The following DNAH7 variants were observed in gnomAD, a reference collection of about 807,000 sequenced individuals.
DNAH7 encodes the protein axonemal beta dynein heavy chain 7.
A neutral mutation model predicts 444.6 loss-of-function variants in DNAH7; 397 were observed. That is an observed-to-expected ratio of 0.89 (90% CI 0.82 to 0.97). DNAH7 has a LOEUF of 0.97. DNAH7 is among the 50% of genes least tolerant of loss of function. DNAH7 has a pLI of 0.00. For synonymous variants in DNAH7, 1,636 were observed against 1,624.4 expected (o/e 1.01, Z -0.17); for missense variants, 4,902 against 4,800.8 (o/e 1.02, Z -0.62).
At chr2:195,913,093 T>C (rs899917350) in intron 24 of DNAH7, among the ~76,000 whole-genome samples, 1 of 151,864 alleles carries the variant, frequency 6.6e-6, no homozygotes, top group African/African-American at 2.4e-5. Context: ...AGAGCAACTT[T>C]AAAAAAAACA....
At chr2:196,005,647 C>A (rs1258266774) in intron 10 of DNAH7, among the ~76,000 whole-genome samples, 1 of 151,708 alleles carries the variant, frequency 6.6e-6, no homozygotes, top group Non-Finnish European at 1.5e-5. Context: ...CAAAAACTAC[C>A]AAATCTGACT....
intron 20 of DNAH7, among the ~76,000 whole-genome samples, chr2:195,935,224 G>T (rs144191117): frequency 1.1e-3 from 162 of 152,272 alleles, no homozygotes; most frequent in African/African-American, 3.8e-3. Flanking sequence ...ACTATGTTTA[G>T]TAACTTAGGT....
chr2:195,998,064 A>G (rs898278750), intron 12 of DNAH7, among the ~76,000 whole-genome samples: 1 of 152,210 alleles, frequency 6.6e-6, no homozygotes, highest in Non-Finnish European at 1.5e-5. Flanking sequence ...GATGATGATA[A>G]TCCATACGGT....
intron 5 of DNAH7, among the ~76,000 whole-genome samples, chr2:196,040,568 T>C (rs1470776727): frequency 6.6e-6 from 1 of 152,092 alleles, no homozygotes; most frequent in African/African-American, 2.4e-5. Flanking sequence ...AGAAGGAACA[T>C]ACCACAAAAC....
intron 46 of DNAH7, among the ~76,000 whole-genome samples, chr2:195,852,704 G>T (rs1172571610): frequency 3.9e-5 from 6 of 152,174 alleles, no homozygotes; most frequent in African/African-American, 1.4e-4. Flanking sequence ...CCAGGGAGAA[G>T]AAAGAGGCAG....
At chr2:195,964,270 T>G (rs1691312372) in intron 17 of DNAH7, among the ~76,000 whole-genome samples, 2 of 152,228 alleles carry the variant, frequency 1.3e-5, no homozygotes, top group African/African-American at 2.4e-5. Flanking sequence ...ATTCTTCAAA[T>G]CCATGAACAT....
At chr2:195,921,301 G>A (rs535797303) in intron 24 of DNAH7, among the ~76,000 whole-genome samples, 1 of 150,584 alleles carries the variant, frequency 6.6e-6, no homozygotes, top group Non-Finnish European at 1.5e-5. Context: ...CAAAAATATG[G>A]AACCAGCCCA....
intron 19 of DNAH7, among the ~76,000 whole-genome samples, chr2:195,954,649 G>A (rs1276947773): frequency 6.6e-6 from 1 of 152,204 alleles, no homozygotes; most frequent in Non-Finnish European, 1.5e-5. Flanking sequence ...CACCAACAGT[G>A]TAAAAGTGTT....
At chr2:195,922,985 T>C (rs1688117291) in intron 23 of DNAH7, among the ~76,000 whole-genome samples, 1 of 151,956 alleles carries the variant, frequency 6.6e-6, no homozygotes, top group Non-Finnish European at 1.5e-5. Context: ...ACCTCAGTCC[T>C]CAAGTAGCTG....
intron 57 of DNAH7, 126 bp downstream of exon 57, chr2:195,794,212 C>G: frequency 5.2e-6 from 4 of 770,384 alleles, no homozygotes; most frequent in Non-Finnish European, 8.6e-6. Flanking sequence ...TTATCAAAAC[C>G]TACTGCACTG....
rs1187169276 is a variant in DNAH7 at position 196,047,372 on chromosome 2, A to C, written c.378T>G (p.Ser126Arg). Residue 126 changes from serine to arginine, a missense_variant, in exon 5 of 65, where the codon AGT becomes AGG. Coordinates refer to ENST00000312428, the MANE Select transcript of DNAH7 (RefSeq NM_018897.3). ...SPHKERENFR[S>R]TLVNVIMQQD... Reference sequence around the variant, plus strand: ...CTTACATAATGACATTAACAAGAGTACTTCTAAAGTTTTCTCGTTCTTTAT... The same window carrying C: ...CTTACATAATGACATTAACAAGAGTCCTTCTAAAGTTTTCTCGTTCTTTAT... 6.3e-7 allele frequency: 1 copy of C among 1,596,156 alleles called. No individual in the cohort carries two copies. Among genetic ancestry groups the C allele is most frequent in the Non-Finnish European group, 8.5e-7 (1 of 1,170,366 alleles).
intron 23 of DNAH7, 24 bp downstream of exon 23, chr2:195,923,571 A>G (rs758236558): frequency 2.0e-5 from 32 of 1,608,380 alleles, no homozygotes; most frequent in African/African-American, 1.6e-4. Context: ...GCTGTGTAAT[A>G]TAACATTCAG....
chr2:195,842,386 A>G (rs983515029), intron 47 of DNAH7, among the ~76,000 whole-genome samples: 3 of 152,112 alleles, frequency 2.0e-5, no homozygotes, highest in African/African-American at 7.2e-5. Context: ...AAAAGCACTT[A>G]GCACAGGATT....
chr2:195,820,137 A>G (rs1474099303), intron 49 of DNAH7, among the ~76,000 whole-genome samples: 1 of 152,210 alleles, frequency 6.6e-6, no homozygotes, highest in African/African-American at 2.4e-5. Flanking sequence ...TACCACATGT[A>G]TCAGAATTCA....
intron 15 of DNAH7, among the ~76,000 whole-genome samples, chr2:195,976,780 A>AGAGAGAGAGAGAGG (rs1559295046): frequency 6.7e-5 from 10 of 148,914 alleles, no homozygotes; most frequent in African/African-American, 2.2e-4. Flanking sequence ...AGAGAGAGAG[A>AGAGAGAGAGAGAGG]GAGAGAGACT....
chr2:195,771,646 G>A lies in DNAH7; in HGVS notation c.11433+14C>T. ...TAATTTAATGGGGGTTTTTTTTGGTGTTTTTCACCTTACCTTGATTGCTTT... is the reference window on the plus strand; with the variant it reads ...TAATTTAATGGGGGTTTTTTTTGGTATTTTTCACCTTACCTTGATTGCTTT... On this transcript the variant is annotated intron_variant, in intron 61 of 64. Transcript: ENST00000312428. 6.3e-7 allele frequency: 1 copy of A among 1,592,278 alleles called. No homozygotes were observed. Among genetic ancestry groups the A allele is most frequent in the Non-Finnish European group, 8.6e-7 (1 of 1,162,250 alleles).
At chr2:195,973,946 C>T (rs563133183) in intron 15 of DNAH7, among the ~76,000 whole-genome samples, 2 of 152,086 alleles carry the variant, frequency 1.3e-5, no homozygotes, top group East Asian at 1.9e-4. Context: ...GGTGTGGTGG[C>T]AGGCGCCAGT....
intron 7 of DNAH7, 116 bp downstream of exon 7, chr2:196,026,644 G>A: frequency 1.4e-6 from 1 of 706,778 alleles, no homozygotes; most frequent in Non-Finnish European, 2.2e-6. Context: ...AGCAATGTAA[G>A]AAATGGCATA....
chr2:195,771,519 G>A lies in DNAH7; in HGVS notation c.11433+141C>T, dbSNP rs1419283625. Reference sequence around the variant, plus strand: ...CCAGAATTCTATAAGCTCCTCAAGGGCAAGAATTATTTTCTAATCTTATTT... The same window carrying A: ...CCAGAATTCTATAAGCTCCTCAAGGACAAGAATTATTTTCTAATCTTATTT... On this transcript the variant is annotated intron_variant, in intron 61 of 64. Coordinates refer to ENST00000312428, the MANE Select transcript of DNAH7 (RefSeq NM_018897.3). The A allele has an allele frequency of 1.1e-5, 7 of 659,772 alleles. No homozygotes were observed. The African/African-American group carries it at 1.3e-4, about 12-fold the overall frequency. The allele number at this position is 659,772 out of a possible 1,614,324, so 40.9% of individuals were successfully genotyped here. A position where few individuals can be genotyped will look rare whatever the true frequency, so the allele number is the denominator to read the frequency against.
Sources: gnomAD v4.1 joint callset for allele counts (sites outside exome capture counted in the v4.1 genomes callset) on GRCh38, gnomAD v4.1.1 for gene constraint, MANE v1.5 for transcripts, NCBI Gene and HGNC (gene_info 2026-07-23, HGNC 2026-07-21) for gene names.